The following SMCHD1 variants were observed in gnomAD, a reference collection of about 807,000 sequenced individuals.
SMCHD1 encodes the protein structural maintenance of chromosomes flexible hinge domain-containing protein 1.
SMCHD1 carries 78 observed loss-of-function variants against 254.7 expected under a neutral mutation model. The observed-to-expected ratio is 0.31, with a 90% CI of 0.26 to 0.37. The LOEUF is 0.37. Ranked by LOEUF, SMCHD1 falls within the 10% of genes least tolerant of loss-of-function variation. The pLI is 1.00. For missense variants in SMCHD1, 1,840 were observed against 2,408.1 expected (o/e 0.76, Z 4.94); for synonymous variants, 766 against 794.9 (o/e 0.96, Z 0.61).
Position 2,656,268 on chromosome 18 carries a change from G to C in SMCHD1, c.186+7G>C, listed in dbSNP as rs370905258. The C allele has an allele frequency of 2.0e-6, 3 of 1,484,078 alleles. No individual in the cohort carries two copies. In the African/African-American group the frequency reaches 4.4e-5, roughly 22 times the overall value. 91.9% of individuals were successfully genotyped at this position (1,484,078 alleles called of 1,614,324 possible). On this transcript the variant is annotated splice_region_variant and intron_variant, in intron 1 of 47. Transcript: ENST00000320876. ...TCGCGCGTGTGTGTGTCAGGTACGC[G>C]AAGGGGCGAGGAAGGGATGCGCGTG... is the stretch of plus-strand genomic sequence containing the variant.
intron 45 of SMCHD1, among the ~76,000 whole-genome samples, chr18:2,791,023 A>G (rs1443402794): frequency 6.6e-6 from 1 of 152,260 alleles, no homozygotes; most frequent in Non-Finnish European, 1.5e-5. Flanking sequence ...ATCAAAGATG[A>G]AAATTAAAAG....
At position 2,656,112 on chromosome 18, in the gene SMCHD1, T is replaced by G. The variant is rs751463286; in HGVS notation, c.37T>G (p.Ser13Ala). The G allele has an allele frequency of 9.7e-6, 14 of 1,446,748 alleles. No homozygotes were observed. The Admixed American group carries it at 3.2e-4, about 33-fold the overall frequency. 89.6% of individuals were successfully genotyped at this position (1,446,748 alleles called of 1,614,324 possible). ...AADGGGPGGA[S>A]VGTEEDGGGV... ...GGACGGCGGCGGGCCTGGTGGGGCCTCTGTGGGGACTGAGGAGGATGGCGG... is the reference window on the plus strand; with the variant it reads ...GGACGGCGGCGGGCCTGGTGGGGCCGCTGTGGGGACTGAGGAGGATGGCGG... The change falls in exon 1 of 48, where the codon TCT (serine) becomes GCT (alanine). Residue 13 changes from serine to alanine, a missense_variant. Around this residue, in one of 9 missense-constraint regions of SMCHD1, gnomAD observed 115 missense variants for 99.1 expected, o/e 1.16. Coordinates refer to ENST00000320876, the MANE Select transcript of SMCHD1 (RefSeq NM_015295.3).
chr18:2,739,672 A>C (rs1397368402), intron 27 of SMCHD1, among the ~76,000 whole-genome samples, 152 bp downstream of exon 27: 1 of 152,180 alleles, frequency 6.6e-6, no homozygotes, highest in African/African-American at 2.4e-5. Flanking sequence ...AGATTGAAGT[A>C]TTTTCATTAT....
chr18:2,664,429 T>C (rs939629284), intron 1 of SMCHD1, among the ~76,000 whole-genome samples: 3 of 152,212 alleles, frequency 2.0e-5, no homozygotes, highest in African/African-American at 7.2e-5. Context: ...CCAGTCTCTT[T>C]AGTTTTCCTG....
intron 34 of SMCHD1, among the ~76,000 whole-genome samples, chr18:2,755,414 G>A (rs951941739): frequency 1.3e-5 from 2 of 151,884 alleles, no homozygotes; most frequent in Non-Finnish European, 2.9e-5. Context: ...TCCCACCTCA[G>A]CCTCCCAAAG....
At position 2,750,486 on chromosome 18, in the gene SMCHD1, T is replaced by C; in HGVS notation, c.4144T>C (p.Leu1382=). 1 of 1,605,174 alleles carries C rather than the reference T, an allele frequency of 6.2e-7. No individual in the cohort carries two copies. The highest frequency in any genetic ancestry group is 2.2e-5 in the East Asian group (1 of 44,662). The part of the protein sequence containing the change: ...NVKYDKDASF[L]AGGLFTDFMI... ...TAAATATGACAAAGATGCATCCTTC[T>C]TAGCAGGGGGTCTTTTCACTGGTGA... is the stretch of plus-strand genomic sequence containing the variant. Residue 1382 remains leucine, a synonymous_variant, in exon 32 of 48, where the codon TTA becomes CTA. Coordinates refer to ENST00000320876, the MANE Select transcript of SMCHD1 (RefSeq NM_015295.3).
At chr18:2,696,290 C>T (rs770031633) in intron 8 of SMCHD1, among the ~76,000 whole-genome samples, 11 of 152,094 alleles carry the variant, frequency 7.2e-5, no homozygotes, top group Non-Finnish European at 1.3e-4. Context: ...TGAACTGGTA[C>T]CCATCTGTGG....
At chr18:2,776,368 CA>C (rs1255563464) in intron 42 of SMCHD1, among the ~76,000 whole-genome samples, 1 of 151,556 alleles carries the variant, frequency 6.6e-6, no homozygotes, top group Non-Finnish European at 1.5e-5. Flanking sequence ...ACTACAGGTG[CA>C]TGCCAGCATG....
intron 7 of SMCHD1, 87 bp downstream of exon 7, chr18:2,688,834 A>G: frequency 2.4e-6 from 2 of 833,816 alleles, no homozygotes; most frequent in East Asian, 5.8e-5. Context: ...TGAAATTTTC[A>G]AAATGAGTTA....
chr18:2,655,830 TCTC>T lies in SMCHD1; in HGVS notation c.-242_-240del, dbSNP rs1426568438. 13 of 336,852 alleles carry T rather than the reference TCTC, an allele frequency of 3.9e-5. No homozygotes were observed. Among genetic ancestry groups the T allele is most frequent in the South Asian group, 1.5e-4 (1 of 6,506 alleles). The allele number at this position is 336,852 out of a possible 1,614,324, so 20.9% of individuals were successfully genotyped here. ...GTGAGGAGCGCGCCGCGCGTCCCCT[TCTC>T]CTCAGGAGTGGCGGGCCGCGGAAGT... On this transcript the variant is annotated 5_prime_UTR_variant, in exon 1 of 48. Coordinates refer to ENST00000320876, the MANE Select transcript of SMCHD1 (RefSeq NM_015295.3).
rs1436342689 is a variant in SMCHD1 at position 2,762,057 on chromosome 18, T to G, written c.4435-48T>G. ...TATGTCTTCCCTTCCTCTTAAATGCTAAAGCATCAATATATTGTTAATCAG... is the reference window on the plus strand; with the variant it reads ...TATGTCTTCCCTTCCTCTTAAATGCGAAAGCATCAATATATTGTTAATCAG... On this transcript the variant is annotated intron_variant, in intron 35 of 47. Coordinates refer to ENST00000320876, the MANE Select transcript of SMCHD1 (RefSeq NM_015295.3). 1.0e-5 allele frequency: 16 copies of G among 1,535,782 alleles called. No homozygotes were observed. The Admixed American group carries it at 2.8e-4, about 27-fold the overall frequency.
intron 28 of SMCHD1, among the ~76,000 whole-genome samples, chr18:2,742,093 T>C (rs920289123): frequency 1.3e-5 from 2 of 152,238 alleles, no homozygotes; most frequent in Non-Finnish European, 2.9e-5. Flanking sequence ...TTTTCAGTTC[T>C]CATGCTACCC....
intron 45 of SMCHD1, among the ~76,000 whole-genome samples, chr18:2,795,460 G>A (rs2076245994): frequency 6.6e-6 from 1 of 152,146 alleles, no homozygotes; most frequent in South Asian, 2.1e-4. Flanking sequence ...TTGCATTGCT[G>A]CCAAGTTTGA....
intron 34 of SMCHD1, among the ~76,000 whole-genome samples, chr18:2,759,796 C>T (rs1193020203): frequency 1.3e-5 from 2 of 151,952 alleles, no homozygotes; most frequent in Non-Finnish European, 1.5e-5. Context: ...TCTTGAACTC[C>T]TGACCTCAAG....
chr18:2,662,800 A>G (rs2073331179), intron 1 of SMCHD1, among the ~76,000 whole-genome samples: 1 of 152,176 alleles, frequency 6.6e-6, no homozygotes. Context: ...CTGTTAAACA[A>G]ATAGAATCTT....
At chr18:2,736,485 A>G (rs1361634992) in intron 25 of SMCHD1, among the ~76,000 whole-genome samples, 4 of 152,166 alleles carry the variant, frequency 2.6e-5, no homozygotes, top group African/African-American at 4.8e-5. Context: ...CAGAATGGTA[A>G]AAAATATTAA....
In SMCHD1 at chr18:2,740,831, C is replaced by G. The variant is rs368857612; in HGVS notation, c.3633+10C>G. 5 of 1,486,730 alleles carry G rather than the reference C, an allele frequency of 3.4e-6. No individual in the cohort carries two copies. Among genetic ancestry groups the G allele is most frequent in the Non-Finnish European group, 4.7e-6 (5 of 1,072,558 alleles). The allele number at this position is 1,486,730 out of a possible 1,614,324, so 92.1% of individuals were successfully genotyped here. A position where few individuals can be genotyped will look rare whatever the true frequency, so the allele number is the denominator to read the frequency against. On this transcript the variant is annotated intron_variant, in intron 28 of 47. Coordinates refer to ENST00000320876, the MANE Select transcript of SMCHD1 (RefSeq NM_015295.3). ...GAAAACAACCTTTCAGGTATGGCTA[C>G]TTTCTATACCATTTTGGTTTGATTT...
intron 17 of SMCHD1, among the ~76,000 whole-genome samples, chr18:2,716,187 G>T (rs1018933710): frequency 6.6e-6 from 1 of 152,202 alleles, no homozygotes. Flanking sequence ...GCCTTAGTGT[G>T]GTGGCTTTCT....
At chr18:2,666,792 A>C (rs999856873) in intron 2 of SMCHD1, 78 bp from the exon 3 acceptor site, 57 of 1,170,330 alleles carry the variant, frequency 4.9e-5, no homozygotes, top group Non-Finnish European at 6.5e-5. Flanking sequence ...CATAGATAGA[A>C]TTTGTATATT....
Sources: allele counts gnomAD v4.1 joint callset (sites outside exome capture counted in the v4.1 genomes callset), GRCh38; gene constraint gnomAD v4.1.1; regional missense constraint gnomAD v4.1.1; transcripts MANE v1.5; gene names NCBI Gene and HGNC (gene_info 2026-07-23, HGNC 2026-07-21).